Variants in L3MBTL3 observed in about 807,000 individuals in gnomAD.
L3MBTL3 encodes the protein L3MBTL histone methyl-lysine binding protein 3, also known as lethal(3)malignant brain tumor-like protein 3.
In L3MBTL3, 27 loss-of-function variants were observed where a neutral mutation model predicts 102.3. The ratio of observed to expected loss-of-function variants is 0.26; its 90% CI spans 0.19 to 0.36. The LOEUF is 0.36. L3MBTL3 is among the 10% of genes least tolerant of loss of function. The pLI is 1.00. For missense variants in L3MBTL3, 798 were observed against 955.3 expected (o/e 0.84, Z 2.17); for synonymous variants, 340 against 320.9 (o/e 1.06, Z -0.64).
chr6:130,101,757 G>A (rs1357685266), intron 18 of L3MBTL3, among the ~76,000 whole-genome samples: 1 of 152,176 alleles, frequency 6.6e-6, no homozygotes. Context: ...CTGTTGATCT[G>A]TCAAATGCCC....
chr6:130,059,585 A>G (rs538039280), intron 9 of L3MBTL3, among the ~76,000 whole-genome samples: 95 of 152,332 alleles, frequency 6.2e-4, no homozygotes, highest in South Asian at 2.1e-3. Flanking sequence ...TCCTAGAGTT[A>G]GAATTGTTGT....
intron 19 of L3MBTL3, among the ~76,000 whole-genome samples, chr6:130,113,052 T>G (rs1196852015): frequency 1.3e-5 from 2 of 152,208 alleles, no homozygotes; most frequent in African/African-American, 2.4e-5. Context: ...TCCTGGGGAC[T>G]GATAACTTAA....
chr6:130,116,798 T>A (rs1785717063), intron 19 of L3MBTL3, among the ~76,000 whole-genome samples: 2 of 151,960 alleles, frequency 1.3e-5, no homozygotes. Context: ...TTGTACCCTC[T>A]TTTGAAACGA....
At chr6:130,070,897 C>T (rs1226720652) in intron 12 of L3MBTL3, 79 bp from the exon 13 acceptor site, 9 of 977,946 alleles carry the variant, frequency 9.2e-6, no homozygotes, top group African/African-American at 1.8e-5. Flanking sequence ...GGCCTTTGAG[C>T]AGGAGGTGCA....
intron 18 of L3MBTL3, among the ~76,000 whole-genome samples, chr6:130,097,482 GTTTGAA>G (rs1262258557): frequency 6.6e-6 from 1 of 152,206 alleles, no homozygotes; most frequent in Non-Finnish European, 1.5e-5. Context: ...AGATTACAGT[GTTTGAA>G]TTTGATCTAA....
chr6:130,053,695 A>G (rs1012926486), intron 7 of L3MBTL3, among the ~76,000 whole-genome samples: 9 of 152,120 alleles, frequency 5.9e-5, no homozygotes, highest in African/African-American at 2.2e-4. Context: ...AATATCAGGT[A>G]TATTTGGGGA....
intron 6 of L3MBTL3, 122 bp downstream of exon 6, chr6:130,051,530 A>G (rs1781092119): frequency 2.2e-6 from 2 of 902,240 alleles, no homozygotes; most frequent in Non-Finnish European, 3.4e-6. Flanking sequence ...TTTCCCAGAG[A>G]CTTTTCCTTT....
chr6:130,052,385 G>T (rs1186776652), intron 6 of L3MBTL3, among the ~76,000 whole-genome samples: 1 of 152,174 alleles, frequency 6.6e-6, no homozygotes, highest in African/African-American at 2.4e-5. Context: ...GATTAAAGGT[G>T]TGAGCCACTG....
chr6:130,133,255 A>G lies in L3MBTL3; in HGVS notation c.1967-197A>G, dbSNP rs916810754. ...AGTAATGAGTGCTGTAGCAAATGAT[A>G]TCAGTTGAATTTACAGGTTGTTTTT... On this transcript the variant is annotated intron_variant, in intron 20 of 22. Transcript: ENST00000361794. This position sits in a 1 kb window ranked among gnomAD's most constrained non-coding sequence, Gnocchi z 4.9. 6.6e-6 allele frequency among the ~76,000 whole-genome samples: 1 copy of G among 152,242 alleles called. No individual in the cohort carries two copies. The highest frequency in any genetic ancestry group is 2.4e-5 in the African/African-American group (1 of 41,466).
intron 18 of L3MBTL3, among the ~76,000 whole-genome samples, chr6:130,102,691 C>T (rs1171522644): frequency 6.6e-6 from 1 of 152,188 alleles, no homozygotes; most frequent in African/African-American, 2.4e-5. Context: ...GTTGGCACTG[C>T]TCCTCCCATC....
At chr6:130,080,262 G>GAAA (rs35551443) in intron 14 of L3MBTL3, among the ~76,000 whole-genome samples, 2 of 139,358 alleles carry the variant, frequency 1.4e-5, no homozygotes, top group Non-Finnish European at 3.1e-5. Context: ...CAAGAAAAAA[G>GAAA]AAAAAAAAAA....
intron 2 of L3MBTL3, among the ~76,000 whole-genome samples, chr6:130,036,901 T>C (rs986326593): frequency 3.3e-5 from 5 of 152,140 alleles, no homozygotes; most frequent in African/African-American, 1.2e-4. Context: ...GATTAAACGA[T>C]GGTTAACAAA....
chr6:130,095,596 G>A (rs763041432), intron 18 of L3MBTL3, among the ~76,000 whole-genome samples: 25 of 152,118 alleles, frequency 1.6e-4, no homozygotes, highest in Non-Finnish European at 1.3e-4. Flanking sequence ...ATTCATGAAC[G>A]TACTAAATTT....
rs541790570 is a variant in L3MBTL3 at position 130,095,004 on chromosome 6, C to T, written c.1736+637C>T. On this transcript the variant is annotated intron_variant, in intron 18 of 22. Transcript: ENST00000361794. The stretch of plus-strand genomic sequence containing the variant: ...GGAGGATCACTTGAGGCCAGGAGTT[C>T]GAGATCAGCCTGGACAACATAGCAA... Among the ~76,000 whole-genome samples, 10 of 152,084 alleles carry T rather than the reference C, an allele frequency of 6.6e-5. No individual in the cohort carries two copies. In the South Asian group the frequency reaches 1.0e-3, roughly 16 times the overall value.
chr6:130,045,891 C>T (rs1780694730), intron 3 of L3MBTL3, among the ~76,000 whole-genome samples: 1 of 152,204 alleles, frequency 6.6e-6, no homozygotes, highest in Non-Finnish European at 1.5e-5. Flanking sequence ...TGTCCACTGA[C>T]ATTCTTGAAA....
intron 19 of L3MBTL3, among the ~76,000 whole-genome samples, chr6:130,119,353 A>G (rs1014625034): frequency 1.1e-3 from 170 of 152,326 alleles, no homozygotes; most frequent in African/African-American, 3.9e-3. Flanking sequence ...TGTGCACTCA[A>G]TATTATTTCC....
rs374600023 is a variant in L3MBTL3 at position 130,060,078 on chromosome 6, A to G, written c.802A>G (p.Met268Val). The change falls in exon 10 of 23, where the codon ATG becomes GTG. Residue 268 changes from methionine to valine, a missense_variant. Around this residue, in one of 4 missense-constraint regions of L3MBTL3, gnomAD observed 434 missense variants for 506.6 expected, o/e 0.86. Transcript: ENST00000361794. ...TAACAAAAATGGATTCAAAGTTGGC[A>G]TGAAATTAGAAGGCGTGGATCCTGA... ...PYNKNGFKVGMKLEGVDPEHQ... is the reference protein window; with the variant it reads ...PYNKNGFKVGVKLEGVDPEHQ... 1.4e-5 allele frequency: 23 copies of G among 1,613,748 alleles called. No individual in the cohort carries two copies. Among genetic ancestry groups the G allele is most frequent in the South Asian group, 7.7e-5 (7 of 91,064 alleles).
At chr6:130,080,025 C>T (rs551682951) in intron 14 of L3MBTL3, among the ~76,000 whole-genome samples, 7 of 152,192 alleles carry the variant, frequency 4.6e-5, no homozygotes, top group South Asian at 2.1e-4. Context: ...GAGGCTGAGG[C>T]GGGAGGATCA....
chr6:130,078,194 T>C (rs1783079976), intron 13 of L3MBTL3, among the ~76,000 whole-genome samples: 1 of 152,224 alleles, frequency 6.6e-6, no homozygotes, highest in African/African-American at 2.4e-5. Context: ...GAAATAATTT[T>C]AGTTTTCCTA....
Sources: allele counts gnomAD v4.1 joint callset (sites outside exome capture counted in the v4.1 genomes callset), GRCh38; gene constraint gnomAD v4.1.1; regional missense constraint gnomAD v4.1.1; non-coding constraint Gnocchi (gnomAD v3.1); transcripts MANE v1.5; gene names NCBI Gene and HGNC (gene_info 2026-07-23, HGNC 2026-07-21).